Variants in PALM2AKAP2 observed in about 807,000 individuals in gnomAD.
PALM2AKAP2 encodes the protein PALM2 and AKAP2 fusion.
In PALM2AKAP2, 37 loss-of-function variants were observed where a neutral mutation model predicts 71.5. The ratio of observed to expected loss-of-function variants is 0.52; its 90% CI spans 0.40 to 0.68. The LOEUF (loss-of-function observed/expected upper bound fraction) is 0.68, where lower values mean the gene tolerates loss of function less well. Ranked by LOEUF, PALM2AKAP2 falls within the 30% of genes least tolerant of loss-of-function variation. PALM2AKAP2 has a pLI of 0.00. For missense variants in PALM2AKAP2, 1,224 were observed against 1,191.8 expected, an observed-to-expected ratio of 1.03 and a Z score of -0.40; for synonymous variants, 468 against 478.8, an observed-to-expected ratio of 0.98 and a Z score of 0.29.
In PALM2AKAP2 at chr9:110,168,448, G is replaced by A. The variant is rs781626679; in HGVS notation, c.2798G>A (p.Arg933His). ...CGAAGAAAGAGCGCACTGGCTTTGC[G>A]CTGGGAAGCAGGGATCTATGCCAAC... The change falls in exon 4 of 4, where the codon CGC becomes CAC. Residue 933 changes from arginine (R) to histidine (H), a missense_variant. Coordinates refer to ENST00000374525, the Ensembl canonical transcript of PALM2AKAP2. The A allele has an allele frequency of 2.1e-5, 34 of 1,614,032 alleles. No homozygotes were observed. The highest frequency in any genetic ancestry group is 1.6e-4 in the Middle Eastern group (1 of 6,084).
intron 3 of PALM2AKAP2, among the ~76,000 whole-genome samples, chr9:109,912,755 C>G (rs548240585): frequency 1.3e-5 from 2 of 152,060 alleles, no homozygotes; most frequent in Non-Finnish European, 2.9e-5. Context: ...ATAGATAGAT[C>G]GATGAGGTTA....
intron 1 of PALM2AKAP2, among the ~76,000 whole-genome samples, chr9:109,720,249 A>G (rs1288207563): frequency 6.6e-6 from 1 of 152,172 alleles, no homozygotes; most frequent in Non-Finnish European, 1.5e-5. Context: ...TTGGCTTCCC[A>G]AAGTGCTGGG....
intron 1 of PALM2AKAP2, among the ~76,000 whole-genome samples, chr9:110,102,623 T>C (rs552415643): frequency 9.6e-5 from 14 of 145,372 alleles, no homozygotes; most frequent in African/African-American, 3.5e-4. Flanking sequence ...CCCCTCCCCA[T>C]TGGGCACTGC....
chr9:109,919,875 T>G (rs561155409), intron 3 of PALM2AKAP2, among the ~76,000 whole-genome samples: 13 of 152,206 alleles, frequency 8.5e-5, no homozygotes, highest in African/African-American at 2.9e-4. Flanking sequence ...CCCAAAGTCA[T>G]TTATTCTTGC....
In PALM2AKAP2 at chr9:110,041,803, G is replaced by A. The variant is rs909057505; in HGVS notation, c.582+25764G>A. On this transcript the variant is annotated intron_variant, in intron 7 of 9. Transcript: ENST00000302798. ...AGTAAGGGCGACTGTGTCCACCTCC[G>A]GTGGTTCCCAAATCAGGCTGTCACA... Among the ~76,000 whole-genome samples the A allele has an allele frequency of 5.3e-5, 8 of 152,132 alleles. No individual in the cohort carries two copies. In the East Asian group the frequency reaches 5.8e-4, roughly 11 times the overall value.
intron 1 of PALM2AKAP2, among the ~76,000 whole-genome samples, chr9:109,670,593 T>G (rs560379870): frequency 1.3e-5 from 2 of 152,284 alleles, no homozygotes; most frequent in East Asian, 3.9e-4. Flanking sequence ...CATGCTTATG[T>G]TTTTATAATA....
chr9:109,726,575 C>G (rs1374533896), intron 1 of PALM2AKAP2, among the ~76,000 whole-genome samples: 2 of 152,188 alleles, frequency 1.3e-5, no homozygotes, highest in East Asian at 1.9e-4. Context: ...TAAATGTTTG[C>G]TTTCCATTGT....
rs573375382 is a variant in PALM2AKAP2 at position 109,698,189 on chromosome 9, A to G, written c.5+57323A>G. On this transcript the variant is annotated intron_variant, in intron 1 of 6. Coordinates refer to the PALM2AKAP2 transcript ENST00000374531. ...GCTGAGACATGGTTGAATATATTTC[A>G]TACATCTCTCACTGTCCATTTCATG... Among the ~76,000 whole-genome samples, 6 of 152,046 alleles carry G rather than the reference A, an allele frequency of 3.9e-5. No individual in the cohort carries two copies. The South Asian group carries it at 8.3e-4, about 21-fold the overall frequency.
chr9:109,843,820 T>C (rs2131596946), intron 1 of PALM2AKAP2, among the ~76,000 whole-genome samples: 1 of 152,284 alleles, frequency 6.6e-6, no homozygotes. Flanking sequence ...TCCAGACATT[T>C]GTAGGAGCCC....
chr9:110,006,324 CTCTTTCTT>C lies in PALM2AKAP2; in HGVS notation c.497-9589_497-9582del, dbSNP rs201648047. On this transcript the variant is annotated intron_variant, in intron 6 of 9. Coordinates refer to the PALM2AKAP2 transcript ENST00000302798. ...TTTCCCTCCCTTTCCTTCCTTCCTT[CTCTTTCTT>C]TCTTTCTTTCTTTCTTTCTTTCTTT... Among the ~76,000 whole-genome samples, 818 of 102,206 alleles carry C rather than the reference CTCTTTCTT, an allele frequency of 8.0e-3. 3 individuals are homozygous for C. The highest frequency in any genetic ancestry group is 0.016 in the East Asian group (57 of 3,642). 67.1% of individuals were successfully genotyped at this position (102,206 alleles called of 152,430 possible).
chr9:109,807,286 A>G (rs1043752055), intron 1 of PALM2AKAP2, among the ~76,000 whole-genome samples: 1 of 152,220 alleles, frequency 6.6e-6, no homozygotes, highest in Non-Finnish European at 1.5e-5. Flanking sequence ...GGACATGTTA[A>G]GTTCAATTTT....
intron 6 of PALM2AKAP2, among the ~76,000 whole-genome samples, chr9:109,983,892 A>T (rs529208871): frequency 6.6e-6 from 1 of 152,144 alleles, no homozygotes; most frequent in African/African-American, 2.4e-5. Flanking sequence ...AAAAGAAAAA[A>T]AAATTGTGAG....
At chr9:109,721,946 A>G (rs1364542078) in intron 1 of PALM2AKAP2, among the ~76,000 whole-genome samples, 1 of 152,256 alleles carries the variant, frequency 6.6e-6, no homozygotes, top group African/African-American at 2.4e-5. Context: ...TGCTTTAGCA[A>G]GTAACTTTTA....
intron 6 of PALM2AKAP2, among the ~76,000 whole-genome samples, chr9:109,968,967 G>A (rs1588037648): frequency 6.6e-6 from 1 of 152,064 alleles, no homozygotes; most frequent in African/African-American, 2.4e-5. Context: ...GAGAGACTGT[G>A]GTAATTTAGA....
At chr9:110,015,334 C>T (rs940066567) in intron 6 of PALM2AKAP2, among the ~76,000 whole-genome samples, 3 of 152,216 alleles carry the variant, frequency 2.0e-5, no homozygotes, top group Non-Finnish European at 4.4e-5. Context: ...AGAAGGGTGG[C>T]TTACACCTGT....
intron 1 of PALM2AKAP2, among the ~76,000 whole-genome samples, chr9:110,064,976 G>A (rs1178690504): frequency 6.6e-6 from 1 of 152,134 alleles, no homozygotes; most frequent in East Asian, 1.9e-4. Flanking sequence ...TGTCAGAAAG[G>A]GCTTGTTCTG....
chr9:109,864,634 G>A (rs950012938), intron 1 of PALM2AKAP2, among the ~76,000 whole-genome samples: 1 of 152,150 alleles, frequency 6.6e-6, no homozygotes, highest in Admixed American at 6.5e-5. Context: ...AGTTTTATTA[G>A]AACACAGCCA....
chr9:109,814,790 A>G (rs2131459082), intron 1 of PALM2AKAP2, among the ~76,000 whole-genome samples: 1 of 152,360 alleles, frequency 6.6e-6, no homozygotes, highest in South Asian at 2.1e-4. Flanking sequence ...ATCATTGCAT[A>G]AGCAGTTCCC....
In PALM2AKAP2 at chr9:109,841,931, G is replaced by A. The variant is rs542887462; in HGVS notation, c.46-25560G>A. 9.3e-4 allele frequency among the ~76,000 whole-genome samples: 127 copies of A among 136,748 alleles called. 1 individual carries two copies. Among genetic ancestry groups the A allele is most frequent in the Middle Eastern group, 3.8e-3 (1 of 262 alleles). The allele number at this position is 136,748 out of a possible 152,430, so 89.7% of individuals were successfully genotyped here. ...ATAGAGGGGAGGGTGGAAGGGTAGA[G>A]GGGAGGGTGGAAGGAAAGAGGGGAG... On this transcript the variant is annotated intron_variant, in intron 1 of 9. Coordinates refer to the PALM2AKAP2 transcript ENST00000302798.
Sources: allele counts gnomAD v4.1 joint callset (sites outside exome capture counted in the v4.1 genomes callset), GRCh38; gene constraint gnomAD v4.1.1; transcripts MANE v1.5; gene names NCBI Gene and HGNC (gene_info 2026-07-23, HGNC 2026-07-21).